Variants in ARK2N observed in about 807,000 individuals in gnomAD.
The protein encoded by ARK2N is arkadia (RNF111) N-terminal like PKA signaling regulator 2N.
At chr18:46,213,432 T>C in the ARK2N span, among the ~76,000 whole-genome samples, 1 of 152,210 alleles carries the variant, frequency 6.6e-6, no homozygotes, top group Non-Finnish European at 1.5e-5. Flanking sequence ...AGAACTTGGG[T>C]TTATTCCTCA....
At chr18:46,204,290 T>G in the ARK2N span, among the ~76,000 whole-genome samples, 1 of 152,184 alleles carries the variant, frequency 6.6e-6, no homozygotes, top group Non-Finnish European at 1.5e-5. Flanking sequence ...ATAAATAGCA[T>G]AAGGTTTCCT....
the ARK2N span, chr18:46,262,877 G>C: frequency 6.4e-7 from 1 of 1,569,360 alleles, no homozygotes; most frequent in Admixed American, 1.7e-5. Context: ...ATTGTCTTCT[G>C]TTTTTCCTGT....
the ARK2N span, among the ~76,000 whole-genome samples, chr18:46,249,490 C>G: frequency 1.3e-5 from 2 of 152,140 alleles, no homozygotes; most frequent in Non-Finnish European, 2.9e-5. Context: ...CCTCGGCCTC[C>G]CAAAGTGCTG....
At chr18:46,176,318 C>G in the ARK2N span, among the ~76,000 whole-genome samples, 1,044 of 152,256 alleles carry the variant, frequency 6.9e-3, 8 homozygotes, top group African/African-American at 0.023. Context: ...ACTAGAGACC[C>G]AAACCTTTGG....
At chr18:46,202,286 T>G in the ARK2N span, among the ~76,000 whole-genome samples, 4 of 152,176 alleles carry the variant, frequency 2.6e-5, no homozygotes, top group Admixed American at 2.6e-4. Flanking sequence ...TGCAATTTCC[T>G]CAGGATCTGA....
the ARK2N span, among the ~76,000 whole-genome samples, chr18:46,237,082 C>CA: frequency 6.6e-6 from 1 of 151,996 alleles, no homozygotes; most frequent in Admixed American, 6.6e-5. Flanking sequence ...AGGCTGGTCT[C>CA]AAACTCCTGA....
At chr18:46,260,617 C>G in the ARK2N span, among the ~76,000 whole-genome samples, 2 of 152,202 alleles carry the variant, frequency 1.3e-5, no homozygotes, top group Non-Finnish European at 2.9e-5. Flanking sequence ...TTCAGCCATT[C>G]CTCAGTAGGA....
chr18:46,222,174 T>C, the ARK2N span, among the ~76,000 whole-genome samples: 2 of 152,172 alleles, frequency 1.3e-5, no homozygotes, highest in African/African-American at 2.4e-5. Flanking sequence ...TGACCTTAGG[T>C]GATGACACTG....
At chr18:46,180,718 CAATAAAAACAAA>C in the ARK2N span, among the ~76,000 whole-genome samples, 1 of 150,682 alleles carries the variant, frequency 6.6e-6, no homozygotes, top group African/African-American at 2.4e-5. Context: ...AAAAAAACAA[CAATAAAAACAAA>C]ACAAGCAAGC....
the ARK2N span, among the ~76,000 whole-genome samples, chr18:46,196,911 G>A: frequency 1.3e-5 from 2 of 152,168 alleles, no homozygotes; most frequent in African/African-American, 4.8e-5. Context: ...GTGCCCTCAT[G>A]GAATGGTGGC....
At chr18:46,198,986 A>G in the ARK2N span, among the ~76,000 whole-genome samples, 14 of 152,198 alleles carry the variant, frequency 9.2e-5, no homozygotes, top group Non-Finnish European at 1.2e-4. Context: ...TAGTTTTGTC[A>G]TGATAATCAT....
chr18:46,251,041 G>A, the ARK2N span, among the ~76,000 whole-genome samples: 6 of 152,152 alleles, frequency 3.9e-5, no homozygotes, highest in Non-Finnish European at 5.9e-5. Flanking sequence ...GACTATGCCT[G>A]CCTTGTTCCC....
the ARK2N span, among the ~76,000 whole-genome samples, chr18:46,185,758 G>A: frequency 3.3e-5 from 5 of 152,134 alleles, no homozygotes; most frequent in African/African-American, 7.2e-5. Flanking sequence ...AGGCCTAGGC[G>A]GGCAGATCAC....
the ARK2N span, among the ~76,000 whole-genome samples, chr18:46,254,419 A>G: frequency 6.6e-6 from 1 of 152,324 alleles, no homozygotes; most frequent in East Asian, 1.9e-4. Flanking sequence ...AACATAATTT[A>G]TGAAGTTTGG....
the ARK2N span, among the ~76,000 whole-genome samples, chr18:46,262,224 T>G: frequency 6.6e-6 from 1 of 152,178 alleles, no homozygotes; most frequent in Non-Finnish European, 1.5e-5. Flanking sequence ...CTGAAACAAT[T>G]TTATTTCAGT....
chr18:46,215,879 A>G, the ARK2N span: 1 of 1,606,600 alleles, frequency 6.2e-7, no homozygotes, highest in Non-Finnish European at 8.5e-7. Context: ...TGAAATTCTG[A>G]AATGAAGATG....
the ARK2N span, among the ~76,000 whole-genome samples, chr18:46,235,973 A>G: frequency 6.6e-6 from 1 of 152,230 alleles, no homozygotes; most frequent in East Asian, 1.9e-4. Flanking sequence ...AGGTCATAAG[A>G]GGGTAGACCT....
the ARK2N span, among the ~76,000 whole-genome samples, chr18:46,185,942 G>A: frequency 6.6e-6 from 1 of 152,146 alleles, no homozygotes; most frequent in Non-Finnish European, 1.5e-5. Context: ...AGCTGAGATC[G>A]TGCCACTGCA....
chr18:46,178,423 C>T, the ARK2N span, among the ~76,000 whole-genome samples: 1 of 152,216 alleles, frequency 6.6e-6, no homozygotes, highest in African/African-American at 2.4e-5. Flanking sequence ...AGTGATTCTC[C>T]TGCCTCAGCC....
Sources: gnomAD v4.1 joint callset for allele counts (sites outside exome capture counted in the v4.1 genomes callset) on GRCh38, gnomAD v4.1.1 for gene constraint, MANE v1.5 for transcripts, NCBI Gene and HGNC (gene_info 2026-07-23, HGNC 2026-07-21) for gene names.